SNX13: variants seen among roughly 807,000 people sequenced by gnomAD.
The protein encoded by SNX13 is sorting nexin-13.
Under a neutral mutation model 133.6 loss-of-function variants are expected in SNX13, and 45 were observed. The observed-to-expected ratio is 0.34, with a 90% CI of 0.27 to 0.43. The LOEUF (loss-of-function observed/expected upper bound fraction) is 0.43. SNX13 is among the 20% of genes least tolerant of loss of function. The pLI is 1.00. For synonymous variants in SNX13, 414 were observed against 373.9 expected, an observed-to-expected ratio of 1.11 and a Z score of -1.24; for missense variants, 1,032 against 1,145.1, an observed-to-expected ratio of 0.90 and a Z score of 1.43.
chr7:17,933,819 T>C (rs954698788), intron 1 of SNX13, among the ~76,000 whole-genome samples: 4 of 147,880 alleles, frequency 2.7e-5, no homozygotes, highest in Non-Finnish European at 3.0e-5. Flanking sequence ...AAAAACCCGA[T>C]GTACTACCAC....
intron 1 of SNX13, among the ~76,000 whole-genome samples, chr7:17,912,018 T>C (rs893394938): frequency 6.6e-6 from 1 of 152,158 alleles, no homozygotes; most frequent in African/African-American, 2.4e-5. Context: ...TTTCCCAAGA[T>C]TGTGGATTAG....
At chr7:17,882,074 T>A (rs1434847438) in intron 5 of SNX13, 1 of 152,192 alleles carries the variant, frequency 6.6e-6, no homozygotes, top group Non-Finnish European at 1.5e-5. Flanking sequence ...CCTACCATAG[T>A]CCTCAAAAAT....
At chr7:17,850,481 T>C in intron 10 of SNX13, 46 bp from the exon 11 acceptor site, 1 of 1,179,048 alleles carries the variant, frequency 8.5e-7, no homozygotes, top group Non-Finnish European at 1.2e-6. Context: ...GTGTTATTTA[T>C]GAAATACTTT....
At chr7:17,908,366 G>C (rs1457520224) in intron 1 of SNX13, among the ~76,000 whole-genome samples, 3 of 152,134 alleles carry the variant, frequency 2.0e-5, no homozygotes, top group African/African-American at 7.2e-5. Context: ...CTTTGAGAAA[G>C]ATTCTAAAAT....
rs1037710650 is a variant in SNX13, at chr7:17,832,037, TAGAG to T, written c.1598-1994_1598-1991del. On this transcript the variant is annotated intron_variant, in intron 15 of 25. Transcript: ENST00000428135. ...ACTCATCAATTAGGAAACAAAATAT[TAGAG>T]AGCAATGTCCTAGAAAGACAATAAG... 12 of 983,552 alleles carry T rather than the reference TAGAG, an allele frequency of 1.2e-5. No homozygotes were observed. In the African/African-American group the frequency reaches 1.2e-4, roughly 10 times the overall value. 60.9% of individuals were successfully genotyped at this position (983,552 alleles called of 1,614,324 possible).
intron 9 of SNX13, among the ~76,000 whole-genome samples, chr7:17,853,205 G>A (rs770366051): frequency 6.6e-5 from 10 of 152,096 alleles, no homozygotes; most frequent in Non-Finnish European, 1.2e-4. Context: ...CTTAAAAATA[G>A]GAATGTAGAA....
chr7:17,890,808 A>C (rs1380028173), intron 4 of SNX13, among the ~76,000 whole-genome samples: 1 of 151,944 alleles, frequency 6.6e-6, no homozygotes, highest in East Asian at 1.9e-4. Context: ...CCATGCTATA[A>C]TCTAATAAAT....
intron 21 of SNX13, among the ~76,000 whole-genome samples, 189 bp from the exon 22 acceptor site, chr7:17,801,848 C>T (rs1917369): frequency 6.6e-6 from 1 of 151,938 alleles, no homozygotes; most frequent in African/African-American, 2.4e-5. Flanking sequence ...AAAGGGTTTT[C>T]TCCTTTACAA....
chr7:17,823,064 G>A (rs546445282), intron 17 of SNX13, among the ~76,000 whole-genome samples: 1 of 152,234 alleles, frequency 6.6e-6, no homozygotes, highest in Admixed American at 6.5e-5. Flanking sequence ...AGCATCCCAT[G>A]GCCTTGGCCC....
chr7:17,906,511 C>G (rs1798414495), intron 1 of SNX13, among the ~76,000 whole-genome samples: 1 of 151,934 alleles, frequency 6.6e-6, no homozygotes, highest in South Asian at 2.1e-4. Context: ...TTATTTAGTT[C>G]CAACTATACT....
At chr7:17,898,669 G>A (rs1448692018) in intron 1 of SNX13, among the ~76,000 whole-genome samples, 1 of 152,138 alleles carries the variant, frequency 6.6e-6, no homozygotes, top group African/African-American at 2.4e-5. Context: ...ACGGGGATAA[G>A]TGCTATGGAG....
chr7:17,857,342 T>C (rs1419410079), intron 9 of SNX13, among the ~76,000 whole-genome samples: 2 of 152,152 alleles, frequency 1.3e-5, no homozygotes, highest in Non-Finnish European at 2.9e-5. Context: ...CTATTCAATG[T>C]TTCCAAAAAT....
chr7:17,857,343 T>C (rs1792045304), intron 9 of SNX13, among the ~76,000 whole-genome samples: 1 of 152,164 alleles, frequency 6.6e-6, no homozygotes, highest in Non-Finnish European at 1.5e-5. Flanking sequence ...TATTCAATGT[T>C]TCCAAAAATT....
At chr7:17,906,466 A>G (rs1163951108) in intron 1 of SNX13, among the ~76,000 whole-genome samples, 3 of 152,130 alleles carry the variant, frequency 2.0e-5, no homozygotes, top group Non-Finnish European at 4.4e-5. Context: ...CCATTTGATC[A>G]AAATTTTAGT....
intron 1 of SNX13, among the ~76,000 whole-genome samples, chr7:17,924,884 G>A (rs1357770635): frequency 2.0e-5 from 3 of 152,124 alleles, no homozygotes; most frequent in African/African-American, 7.2e-5. Flanking sequence ...CCCACATATT[G>A]TACAACGCCA....
chr7:17,833,212 C>G (rs903950468), intron 15 of SNX13, among the ~76,000 whole-genome samples: 11 of 151,522 alleles, frequency 7.3e-5, no homozygotes, highest in Non-Finnish European at 1.6e-4. Flanking sequence ...GATCATTGGG[C>G]CTAAGAATTT....
intron 5 of SNX13, chr7:17,883,086 C>T (rs1783780866): frequency 7.6e-6 from 2 of 262,348 alleles, no homozygotes; most frequent in Non-Finnish European, 1.5e-5. Flanking sequence ...CGAACTTAGG[C>T]ATGCAGTTTT....
intron 20 of SNX13, among the ~76,000 whole-genome samples, chr7:17,811,732 C>A (rs183236658): frequency 6.6e-6 from 1 of 152,260 alleles, no homozygotes; most frequent in East Asian, 1.9e-4. Flanking sequence ...CATCATGCTA[C>A]CTGACTTCAA....
intron 1 of SNX13, among the ~76,000 whole-genome samples, chr7:17,928,110 G>A (rs1470446242): frequency 6.6e-6 from 1 of 152,174 alleles, no homozygotes; most frequent in Non-Finnish European, 1.5e-5. Flanking sequence ...CCACAGCAGA[G>A]AAAGCTAGAT....
Sources: allele counts gnomAD v4.1 joint callset (sites outside exome capture counted in the v4.1 genomes callset), GRCh38; gene constraint gnomAD v4.1.1; transcripts MANE v1.5; gene names NCBI Gene and HGNC (gene_info 2026-07-23, HGNC 2026-07-21).